RANBP2: variants seen among roughly 807,000 people sequenced by gnomAD.
RANBP2 encodes the protein RAN binding protein 2, also known as E3 SUMO-protein ligase RanBP2.
In RANBP2, 57 loss-of-function variants were observed where a neutral mutation model predicts 303.6. The ratio of observed to expected loss-of-function variants is 0.19; its 90% CI spans 0.15 to 0.23. The LOEUF (loss-of-function observed/expected upper bound fraction) is 0.23, where lower values mean the gene tolerates loss of function less well. Ranked by LOEUF, RANBP2 falls within the 10% of genes least tolerant of loss-of-function variation. RANBP2 has a pLI of 1.00. For missense variants in RANBP2, 3,138 were observed against 3,780.8 expected (o/e 0.83, Z 4.46); for synonymous variants, 1,167 against 1,301.5 (o/e 0.90, Z 2.23).
the RANBP2 span, among the ~76,000 whole-genome samples, chr2:109,390,363 C>T: frequency 6.6e-6 from 1 of 152,218 alleles, no homozygotes; most frequent in Non-Finnish European, 1.5e-5. Flanking sequence ...TGCTGAGGGG[C>T]TAATCAGGCC....
chr2:109,492,909 C>G, the RANBP2 span, among the ~76,000 whole-genome samples: 1 of 152,092 alleles, frequency 6.6e-6, no homozygotes, highest in African/African-American at 2.4e-5. Flanking sequence ...CAGTCCCAGC[C>G]CCTACAGCCA....
At chr2:108,876,108 A>T in the RANBP2 span, 7 of 1,598,766 alleles carry the variant, frequency 4.4e-6, no homozygotes, top group African/African-American at 1.3e-5. Context: ...AAGCTCTTTG[A>T]ACTTTTTACG....
the RANBP2 span, among the ~76,000 whole-genome samples, chr2:109,314,181 C>T: frequency 3.9e-5 from 6 of 152,110 alleles, no homozygotes; most frequent in East Asian, 3.9e-4. Flanking sequence ...GGGAGACCAG[C>T]GGGTGGGTGT....
At chr2:108,881,016 AGGGG>A in the RANBP2 span, among the ~76,000 whole-genome samples, 1 of 152,218 alleles carries the variant, frequency 6.6e-6, no homozygotes, top group Non-Finnish European at 1.5e-5. Flanking sequence ...AATGACTTTG[AGGGG>A]TTTAAGACTT....
the RANBP2 span, among the ~76,000 whole-genome samples, chr2:108,865,632 G>C: frequency 6.6e-6 from 1 of 152,092 alleles, no homozygotes; most frequent in South Asian, 2.1e-4. Context: ...GTTCTTAATA[G>C]TCCCTAGGCA....
chr2:109,267,775 C>G, the RANBP2 span, among the ~76,000 whole-genome samples: 2 of 152,240 alleles, frequency 1.3e-5, no homozygotes, highest in African/African-American at 2.4e-5. Flanking sequence ...CTGCGTCTGT[C>G]CCTGGAGCGA....
the RANBP2 span, among the ~76,000 whole-genome samples, chr2:109,052,470 A>G: frequency 7.2e-5 from 11 of 152,350 alleles, no homozygotes; most frequent in African/African-American, 2.4e-4. Context: ...TTCTTGGTGT[A>G]AGCTTTGCCT....
the RANBP2 span, among the ~76,000 whole-genome samples, chr2:109,430,828 C>T: frequency 1.7e-4 from 26 of 152,224 alleles, no homozygotes; most frequent in African/African-American, 6.3e-4. Flanking sequence ...ATTTCACTGT[C>T]AGTGTTCACC....
the RANBP2 span, chr2:109,667,870 T>C: frequency 6.5e-6 from 1 of 154,008 alleles, no homozygotes. Flanking sequence ...AAAGAGCATT[T>C]TAAAGCACTC....
Position 108,719,534 on chromosome 2 carries a change from CCT to C in RANBP2, c.-70_-69del, listed in dbSNP as rs1380855431. 4 of 1,555,432 alleles carry C rather than the reference CCT, an allele frequency of 2.6e-6. No homozygotes were observed. In the African/African-American group the frequency reaches 5.4e-5, roughly 21 times the overall value. On this transcript the variant is annotated 5_prime_UTR_variant, in exon 1 of 29. Transcript: ENST00000283195. ...TGCGTCACTGGTTTGCAGGCGCTTT[CCT>C]CTTGGAAGTGGCGACTGCTGCGGGC...
At chr2:108,804,985 T>C in the RANBP2 span, 50 of 1,551,226 alleles carry the variant, frequency 3.2e-5, no homozygotes, top group Non-Finnish European at 3.6e-5. Flanking sequence ...ATTGAAAGAA[T>C]TGAATGATAC....
chr2:109,390,446 A>C, the RANBP2 span, among the ~76,000 whole-genome samples: 2 of 152,086 alleles, frequency 1.3e-5, no homozygotes, highest in African/African-American at 4.8e-5. Context: ...CTGTTTTCTT[A>C]TTTAGTCCTG....
At chr2:109,056,622 G>A in the RANBP2 span, among the ~76,000 whole-genome samples, 23 of 152,316 alleles carry the variant, frequency 1.5e-4, no homozygotes, top group East Asian at 3.9e-4. Flanking sequence ...TGGATTATAA[G>A]ATGGCTTTTC....
the RANBP2 span, among the ~76,000 whole-genome samples, chr2:108,869,608 T>A: frequency 9.7e-4 from 147 of 152,134 alleles, no homozygotes; most frequent in African/African-American, 3.3e-3. Flanking sequence ...AGGAATACCA[T>A]ACAAGATCTA....
the RANBP2 span, among the ~76,000 whole-genome samples, chr2:108,803,672 C>CA: frequency 1.3e-5 from 2 of 152,098 alleles, no homozygotes; most frequent in African/African-American, 4.8e-5. Context: ...GAGAGAAGAG[C>CA]AAAAACAAAA....
the RANBP2 span, among the ~76,000 whole-genome samples, chr2:109,191,889 A>G: frequency 8.3e-4 from 127 of 152,194 alleles, no homozygotes; most frequent in Non-Finnish European, 1.4e-3. Flanking sequence ...AACCTTTACT[A>G]TTATTATTTT....
At chr2:109,111,303 T>G in the RANBP2 span, among the ~76,000 whole-genome samples, 2 of 152,162 alleles carry the variant, frequency 1.3e-5, no homozygotes, top group Non-Finnish European at 1.5e-5. Flanking sequence ...TATTTACTGA[T>G]AGTTGAAATA....
chr2:108,943,797 G>A, the RANBP2 span, among the ~76,000 whole-genome samples: 4 of 152,234 alleles, frequency 2.6e-5, no homozygotes, highest in Non-Finnish European at 1.5e-5. Flanking sequence ...GTGTTGCTCC[G>A]CAGCACACCT....
chr2:109,167,788 G>A, the RANBP2 span, among the ~76,000 whole-genome samples: 1 of 152,090 alleles, frequency 6.6e-6, no homozygotes, highest in Non-Finnish European at 1.5e-5. Flanking sequence ...AGCCAGGATG[G>A]TCTTGATCTC....
Sources: gnomAD v4.1 joint callset for allele counts (sites outside exome capture counted in the v4.1 genomes callset) on GRCh38, gnomAD v4.1.1 for gene constraint, MANE v1.5 for transcripts, NCBI Gene and HGNC (gene_info 2026-07-23, HGNC 2026-07-21) for gene names.